The following CXADR variants were observed in gnomAD, a reference collection of about 807,000 sequenced individuals.
CXADR encodes the protein CXADR cell adhesion molecule, also known as coxsackievirus and adenovirus receptor.
In CXADR, 20 loss-of-function variants were observed where a neutral mutation model predicts 40.3. That is an observed-to-expected ratio of 0.50 (90% CI 0.35 to 0.72). The LOEUF (loss-of-function observed/expected upper bound fraction) is 0.72. Among genes scored for constraint, CXADR ranks in the 30% least tolerant of loss-of-function variants. The probability of loss-of-function intolerance (pLI) is 0.01; values close to 1 mark genes in which losing one functional copy is unlikely to be tolerated. For missense variants in CXADR, 332 were observed against 449.1 expected (o/e 0.74, Z 2.36); for synonymous variants, 150 against 161.3 (o/e 0.93, Z 0.53).
At chr21:17,542,491 TAA>T (rs929714904) in intron 1 of CXADR, among the ~76,000 whole-genome samples, 1 of 152,178 alleles carries the variant, frequency 6.6e-6, no homozygotes, top group African/African-American at 2.4e-5. Flanking sequence ...TGCTCAGATA[TAA>T]GTCAGACTGT....
At chr21:17,516,510 G>T (rs190455193) in intron 1 of CXADR, among the ~76,000 whole-genome samples, 1 of 152,188 alleles carries the variant, frequency 6.6e-6, no homozygotes, top group Non-Finnish European at 1.5e-5. Context: ...GACCTGCAGC[G>T]TCAGCATTAC....
chr21:17,539,197 GAAAC>G (rs1305819839), intron 1 of CXADR, among the ~76,000 whole-genome samples: 6 of 152,246 alleles, frequency 3.9e-5, no homozygotes, highest in Admixed American at 3.3e-4. Context: ...TTGTGCTGGG[GAAAC>G]AAACAGTTTG....
the CXADR span, among the ~76,000 whole-genome samples, chr21:17,630,568 A>C: frequency 6.6e-6 from 1 of 151,766 alleles, no homozygotes; most frequent in South Asian, 2.1e-4. Flanking sequence ...TGGTTAGTTG[A>C]ATGGTAACGC....
rs776403577 is a variant in CXADR, at chr21:17,561,379, A to G, written c.736A>G (p.Thr246Ala). 59 of 1,606,468 alleles carry G rather than the reference A, an allele frequency of 3.7e-5. No homozygotes were observed. Among genetic ancestry groups the G allele is most frequent in the Non-Finnish European group, 1.4e-5 (17 of 1,176,700 alleles). Residue 246 changes from threonine to alanine, a missense_variant, in exon 6 of 7, where the codon ACT (threonine) becomes GCT (alanine). Physicochemically the swap from Thr to Ala is moderately conservative, Grantham distance 58. Around this residue, in one of 3 missense-constraint regions of CXADR, gnomAD observed 150 missense variants for 194.2 expected, o/e 0.77. Transcript: ENST00000284878. Reference protein sequence around the residue: ...AGLIAGAIIGTLLALALIGLI... With the variant: ...AGLIAGAIIGALLALALIGLI... The stretch of plus-strand genomic sequence containing the variant: ...ACTAATTGCAGGAGCCATTATAGGA[A>G]CTTTGCTTGCTCTAGCGCTCATTGG...
chr21:17,529,522 T>C (rs1219643316), intron 1 of CXADR, among the ~76,000 whole-genome samples: 1 of 152,188 alleles, frequency 6.6e-6, no homozygotes, highest in African/African-American at 2.4e-5. Context: ...GGTTTTGCCA[T>C]GTTGGCCAGG....
chr21:17,519,975 A>G (rs953423472), intron 1 of CXADR, among the ~76,000 whole-genome samples: 2 of 150,392 alleles, frequency 1.3e-5, no homozygotes, highest in African/African-American at 5.0e-5. Flanking sequence ...AATTATATGT[A>G]TACACACACA....
At chr21:17,553,372 T>A (rs1022614618) in intron 3 of CXADR, among the ~76,000 whole-genome samples, 2 of 152,236 alleles carry the variant, frequency 1.3e-5, no homozygotes, top group Non-Finnish European at 2.9e-5. Context: ...AGATAGACTC[T>A]GCTGGCAGCA....
Position 17,547,148 on chromosome 21 carries a change from C to A in CXADR, c.165C>A (p.Ile55=), listed in dbSNP as rs61750210. The change falls in exon 2 of 7, where the codon ATC becomes ATA. Residue 55 remains isoleucine, a synonymous_variant. Coordinates refer to ENST00000284878, the MANE Select transcript of CXADR (RefSeq NM_001338.5). ...LSPEDQGPLD[I]EWLISPADNQ... is the part of the protein sequence containing the mutation. ...CCGAAGACCAGGGACCGCTGGACAT[C>A]GAGTGGCTGATATCACCAGCTGATA... 1.6e-4 allele frequency: 255 copies of A among 1,614,138 alleles called. 1 individual carries two copies. The African/African-American group carries it at 2.9e-3, about 18-fold the overall frequency.
the CXADR span, among the ~76,000 whole-genome samples, chr21:17,622,764 A>G: frequency 6.6e-6 from 1 of 152,322 alleles, no homozygotes; most frequent in South Asian, 2.1e-4. Context: ...ATATTGAACT[A>G]TCATGGAGCT....
At position 17,593,183 on chromosome 21, in the gene CXADR, C is replaced by G. The variant is rs151316541; in HGVS notation, c.1049C>G (p.Thr350Arg). The change falls in exon 8 of 8, where the codon ACA becomes AGA. Residue 350 changes from threonine (T) to arginine (R), a missense_variant. Transcript: ENST00000400169. ...TACCCTTACAAGACTGATGGAATTA[C>G]AGTTGTATAAATATGGACTACTGAA... 250 of 1,461,382 alleles carry G rather than the reference C, an allele frequency of 1.7e-4. 1 individual carries two copies. In the East Asian group the frequency reaches 6.3e-3, roughly 37 times the overall value. 90.5% of individuals were successfully genotyped at this position (1,461,382 alleles called of 1,614,324 possible).
chr21:17,516,939 T>G (rs2060469128), intron 1 of CXADR, among the ~76,000 whole-genome samples: 1 of 151,512 alleles, frequency 6.6e-6, no homozygotes, highest in Non-Finnish European at 1.5e-5. Context: ...ACAATTTTTG[T>G]CAATGAAAAA....
intron 2 of CXADR, among the ~76,000 whole-genome samples, chr21:17,550,792 A>G (rs2060957340): frequency 6.6e-6 from 1 of 152,214 alleles, no homozygotes. Context: ...ATTGCCTTCA[A>G]AGGCTATGTG....
chr21:17,593,911 T>C (rs1311697497), downstream of CXADR: 8 of 766,372 alleles, frequency 1.0e-5, no homozygotes, highest in Non-Finnish European at 5.8e-6. Context: ...TCAAACTATA[T>C]CAATATCTAA....
intron 6 of CXADR, among the ~76,000 whole-genome samples, chr21:17,564,084 C>T (rs2061167410): frequency 1.3e-5 from 2 of 150,974 alleles, no homozygotes; most frequent in South Asian, 4.2e-4. Context: ...CACAATGAAA[C>T]GAGTATGGCT....
At chr21:17,596,690 T>C (rs941112019), downstream of CXADR, among the ~76,000 whole-genome samples, 41 of 152,118 alleles carry the variant, frequency 2.7e-4, no homozygotes, top group Admixed American at 1.1e-3. Flanking sequence ...TTGATGAATA[T>C]ATAATAGCTT....
chr21:17,520,183 A>G (rs1242135447), intron 1 of CXADR, among the ~76,000 whole-genome samples: 2 of 152,280 alleles, frequency 1.3e-5, no homozygotes, highest in African/African-American at 2.4e-5. Flanking sequence ...TGATACTACT[A>G]TGTGCAAAGC....
At chr21:17,633,935 C>T in the CXADR span, among the ~76,000 whole-genome samples, 3,001 of 152,250 alleles carry the variant, frequency 0.02, 51 homozygotes, top group Middle Eastern at 0.061. Context: ...TATGCCTGTT[C>T]TCCCATTAAT....
At chr21:17,624,000 A>ATAC in the CXADR span, among the ~76,000 whole-genome samples, 8 of 152,170 alleles carry the variant, frequency 5.3e-5, no homozygotes, top group African/African-American at 1.9e-4. Context: ...ATTGCATTCT[A>ATAC]CACAGGGTAG....
intron 1 of CXADR, among the ~76,000 whole-genome samples, chr21:17,516,185 T>C (rs550814992): frequency 5.9e-5 from 9 of 152,320 alleles, no homozygotes; most frequent in Non-Finnish European, 8.8e-5. Context: ...ATTATACTTA[T>C]CCCTGTTGTA....
Sources: gnomAD v4.1 joint callset for allele counts (sites outside exome capture counted in the v4.1 genomes callset) on GRCh38, gnomAD v4.1.1 for gene constraint, gnomAD v4.1.1 regional missense constraint, MANE v1.5 for transcripts, NCBI Gene and HGNC (gene_info 2026-07-23, HGNC 2026-07-21) for gene names.